The following LRRC45 variants were observed in gnomAD, a reference collection of about 807,000 sequenced individuals.
The protein encoded by LRRC45 is leucine-rich repeat-containing protein 45.
A neutral mutation model predicts 85.4 loss-of-function variants in LRRC45; 73 were observed. The ratio of observed to expected loss-of-function variants is 0.85; its 90% CI spans 0.71 to 1.04. The LOEUF is 1.04. Among genes scored for constraint, LRRC45 ranks in the 50% least tolerant of loss-of-function variants. The pLI, the probability that LRRC45 is intolerant of heterozygous loss-of-function variation, is 0.00. For synonymous variants in LRRC45, 429 were observed against 386.0 expected, an observed-to-expected ratio of 1.11 and a Z score of -1.31; for missense variants, 937 against 883.3, an observed-to-expected ratio of 1.06 and a Z score of -0.77.
At position 82,028,412 on chromosome 17, in the gene LRRC45, C is replaced by A; in HGVS notation, c.1141C>A (p.Arg381=). ...LLQNQVDELE[R]KFRCQQEQLF... ...CGGCTTTCAGGTAGACGAGTTGGAG[C>A]GGAAGTTCAGGTGTCAGCAGGAGCA... The change falls in exon 11 of 17, where the codon CGG becomes AGG. Residue 381 remains arginine (R), a synonymous_variant. Coordinates refer to ENST00000306688, the MANE Select transcript of LRRC45 (RefSeq NM_144999.4). The A allele has an allele frequency of 6.2e-7, 1 of 1,612,670 alleles. No homozygotes were observed. The highest frequency in any genetic ancestry group is 8.5e-7 in the Non-Finnish European group (1 of 1,179,964).
intron 10 of LRRC45, 23 bp from the exon 11 acceptor site, chr17:82,028,374 C>T: frequency 6.2e-7 from 1 of 1,611,048 alleles, no homozygotes; most frequent in Non-Finnish European, 8.5e-7. Context: ...GCTGCAGCTT[C>T]CCTCCCTGGT....
At position 82,024,040 on chromosome 17, in the gene LRRC45, G is replaced by A. The variant is rs185594743; in HGVS notation, c.220+177G>A. On this transcript the variant is annotated intron_variant, in intron 1 of 16. Coordinates refer to ENST00000306688, the MANE Select transcript of LRRC45 (RefSeq NM_144999.4). ...GGCAGTTCCTCTGTATGACGGGGGA[G>A]AGGCCTTAACATTCGCGGTCTTACC... The A allele has an allele frequency of 4.6e-4, 328 of 714,646 alleles. No homozygotes were observed. The African/African-American group carries it at 5.0e-3, about 11-fold the overall frequency. 44.3% of individuals were successfully genotyped at this position (714,646 alleles called of 1,614,324 possible). A position where few individuals can be genotyped will look rare whatever the true frequency, so the allele number is the denominator to read the frequency against.
At chr17:82,030,581 T>C (rs1279050146) in intron 16 of LRRC45, 28 bp from the exon 17 acceptor site, 21 of 1,461,738 alleles carry the variant, frequency 1.4e-5, no homozygotes, top group Non-Finnish European at 1.8e-5. Flanking sequence ...TGGGGCTGCG[T>C]CCGCTCACTG....
In LRRC45 at chr17:82,030,457, C is replaced by G; in HGVS notation, c.1807C>G (p.Gln603Glu). 6.5e-7 allele frequency: 1 copy of G among 1,545,020 alleles called. No individual in the cohort carries two copies. The highest frequency in any genetic ancestry group is 8.7e-7 in the Non-Finnish European group (1 of 1,147,038). Residue 603 changes from glutamine (Q) to glutamate (E), a missense_variant, in exon 16 of 17, where the codon CAG becomes GAG. Coordinates refer to ENST00000306688, the MANE Select transcript of LRRC45 (RefSeq NM_144999.4). ...GGAGAAGGCGGCGGCCCTGGAGCGC[C>G]AGCTGAAAGGTGAGCCAGACCCTTG... ...LREKAAALER[Q>E]LKVMASDHRE...
At chr17:82,024,929 C>G in intron 3 of LRRC45, 71 bp from the exon 4 acceptor site, 1 of 1,459,330 alleles carries the variant, frequency 6.9e-7, no homozygotes, top group Admixed American at 2.6e-5. Flanking sequence ...AGCCCACACC[C>G]GTCCCCAAGC....
intron 14 of LRRC45, among the ~76,000 whole-genome samples, chr17:82,029,852 G>A (rs372084127): frequency 6.6e-6 from 1 of 152,224 alleles, no homozygotes; most frequent in Non-Finnish European, 1.5e-5. Flanking sequence ...GTGACTACAC[G>A]CATGGATGGA....
chr17:82,030,267 G>T (rs1033025332), intron 15 of LRRC45, 29 bp downstream of exon 15: 2 of 1,536,130 alleles, frequency 1.3e-6, no homozygotes, highest in African/African-American at 2.8e-5. Flanking sequence ...GGGGGCCCCG[G>T]GCGTGCTAGC....
At chr17:82,024,143 C>T (rs1438925329) in intron 1 of LRRC45, 135 bp from the exon 2 acceptor site, 1 of 1,061,614 alleles carries the variant, frequency 9.4e-7, no homozygotes, top group East Asian at 2.5e-5. Context: ...CAGCGAGACT[C>T]TTGGCCAGCG....
chr17:82,031,091 A>C lies in LRRC45; in HGVS notation c.*286A>C, dbSNP rs1435903969. The C allele has an allele frequency of 1.1e-5, 4 of 366,484 alleles. No homozygotes were observed. Among genetic ancestry groups the C allele is most frequent in the Non-Finnish European group, 1.5e-5 (3 of 205,446 alleles). 22.7% of individuals were successfully genotyped at this position (366,484 alleles called of 1,614,324 possible). On this transcript the variant is annotated 3_prime_UTR_variant, in exon 17 of 17. Coordinates refer to ENST00000306688, the MANE Select transcript of LRRC45 (RefSeq NM_144999.4). ...CTCGCCTTTTGCGATGTCACCGTGA[A>C]CGCTGCGGCCGCCTGCGCGCGGCGG...
intron 8 of LRRC45, 23 bp downstream of exon 8, chr17:82,027,774 A>G (rs780101822): frequency 1.9e-6 from 3 of 1,606,884 alleles, no homozygotes; most frequent in Non-Finnish European, 2.5e-6. Flanking sequence ...TGGCCTCAGG[A>G]TACTTCAGAG....
Position 82,027,020 on chromosome 17 carries a change from GGCGCCTT to G in LRRC45, c.774+10_774+16del. 6.3e-7 allele frequency: 1 copy of G among 1,582,554 alleles called. No individual in the cohort carries two copies. Among genetic ancestry groups the G allele is most frequent in the Non-Finnish European group, 8.6e-7 (1 of 1,167,714 alleles). On this transcript the variant is annotated intron_variant, in intron 6 of 16. Transcript: ENST00000306688. ...AGGAGAAGTCCAAGCAGGTGAGGAT[GGCGCCTT>G]CACTGACCTTGGAGCTGCTTATGGC...
In LRRC45 at chr17:82,030,409, C is replaced by G; in HGVS notation, c.1759C>G (p.Leu587Val). The change falls in exon 16 of 17, where the codon CTG becomes GTG. Residue 587 changes from leucine (L) to valine (V), a missense_variant. Physicochemically the swap from Leu to Val is conservative, Grantham distance 32. Coordinates refer to ENST00000306688, the MANE Select transcript of LRRC45 (RefSeq NM_144999.4). ...QEQNGRLQAE[L>V]AAQEALREKA... ...GCAGAACGGCCGGCTGCAGGCGGAG[C>G]TGGCGGCTCAGGAGGCGCTGAGGGA... 2 of 1,549,584 alleles carry G rather than the reference C, an allele frequency of 1.3e-6. No homozygotes were observed. The highest frequency in any genetic ancestry group is 1.2e-5 in the South Asian group (1 of 84,044).
Position 82,030,714 on chromosome 17 carries a change from A to T in LRRC45, c.1922A>T (p.Asp641Val). 1 of 1,499,084 alleles carries T rather than the reference A, an allele frequency of 6.7e-7. No individual in the cohort carries two copies. The highest frequency in any genetic ancestry group is 1.3e-5 in the South Asian group (1 of 76,938). 92.9% of individuals were successfully genotyped at this position (1,499,084 alleles called of 1,614,324 possible). ...LREAEIARIR[D>V]EEAQRASFLQ... ...GAGGCGGAGATCGCCCGCATCCGGGACGAGGAGGCCCAGAGGGCGAGCTTC... is the reference window on the plus strand; with the variant it reads ...GAGGCGGAGATCGCCCGCATCCGGGTCGAGGAGGCCCAGAGGGCGAGCTTC... Residue 641 changes from aspartate (D) to valine (V), a missense_variant, in exon 17 of 17, where the codon GAC becomes GTC. Coordinates refer to ENST00000306688, the MANE Select transcript of LRRC45 (RefSeq NM_144999.4).
In LRRC45 at chr17:82,023,770, A is replaced by C; in HGVS notation, c.127A>C (p.Thr43Pro). The change falls in exon 1 of 17, where the codon ACG (threonine) becomes CCG (proline). Residue 43 changes from threonine to proline, a missense_variant. By Grantham distance (38) the Thr-to-Pro change is conservative (BLOSUM62 -1). Transcript: ENST00000306688. ...GRLDLATQSLTVETCRALGKL... is the reference protein window; with the variant it reads ...GRLDLATQSLPVETCRALGKL... Reference sequence around the variant, plus strand: ...GCTGGACCTGGCCACGCAAAGCCTGACGGTGGAGACCTGCAGGGCCCTGGG... The same window carrying C: ...GCTGGACCTGGCCACGCAAAGCCTGCCGGTGGAGACCTGCAGGGCCCTGGG... 6.4e-7 allele frequency: 1 copy of C among 1,561,934 alleles called. No individual in the cohort carries two copies. The highest frequency in any genetic ancestry group is 8.6e-7 in the Non-Finnish European group (1 of 1,156,220).
In LRRC45 at chr17:82,030,475, G is replaced by A; in HGVS notation, c.1816+9G>A. 1 of 1,540,520 alleles carries A rather than the reference G, an allele frequency of 6.5e-7. No homozygotes were observed. Among genetic ancestry groups the A allele is most frequent in the Non-Finnish European group, 8.7e-7 (1 of 1,146,264 alleles). On this transcript the variant is annotated intron_variant, in intron 16 of 16. Transcript: ENST00000306688. The stretch of plus-strand genomic sequence containing the variant: ...GGAGCGCCAGCTGAAAGGTGAGCCA[G>A]ACCCTTGTCCTCCCGCCGCCCACTG...
In LRRC45 at chr17:82,029,102, A is replaced by G; in HGVS notation, c.1318A>G (p.Met440Val). 1 of 1,612,542 alleles carries G rather than the reference A, an allele frequency of 6.2e-7. No homozygotes were observed. The highest frequency in any genetic ancestry group is 8.5e-7 in the Non-Finnish European group (1 of 1,179,900). Residue 440 changes from methionine (M) to valine (V), a missense_variant, in exon 13 of 17, where the codon ATG becomes GTG. Transcript: ENST00000306688. ...CCCTGCCCCTGAGCAGGTGGAGCATATGACCCGTCACCTGGAGGAGAGTGA... is the reference window on the plus strand; with the variant it reads ...CCCTGCCCCTGAGCAGGTGGAGCATGTGACCCGTCACCTGGAGGAGAGTGA... Reference protein sequence around the residue: ...ESLRIKEVEHMTRHLEESEKA... With the variant: ...ESLRIKEVEHVTRHLEESEKA...
Position 82,030,227 on chromosome 17 carries a change from G to T in LRRC45, c.1657G>T (p.Glu553Ter). The T allele has an allele frequency of 6.5e-7, 1 of 1,535,338 alleles. No individual in the cohort carries two copies. The highest frequency in any genetic ancestry group is 8.8e-7 in the Non-Finnish European group (1 of 1,137,260). ...TGAGGGCCTGCGGCGGCGCCTGGAA[G>T]AGCTGCAGCAGGTAGGCGGGGCTCC... ...QVEGLRRRLEELQQELSLKDQ... is the reference protein window; with the variant it reads ...QVEGLRRRLE The change falls in exon 15 of 17, where the codon GAG becomes TAG. Residue 553 changes from glutamate (E) to a stop codon, truncating the protein, a stop_gained. Coordinates refer to ENST00000306688, the MANE Select transcript of LRRC45 (RefSeq NM_144999.4). LOFTEE classifies it high-confidence loss of function.
chr17:82,028,780 A>G, intron 12 of LRRC45, 97 bp downstream of exon 12: 1 of 1,355,150 alleles, frequency 7.4e-7, no homozygotes, highest in Non-Finnish European at 1.0e-6. Context: ...TTCCCTTGCC[A>G]ACCTTGGGTC....
Position 82,025,445 on chromosome 17 carries a change from G to T in LRRC45, c.599G>T (p.Arg200Ile). ...CTCATGAACTGTCTCCCCAGCAACAGAACCCTGTGGAGACTGGACCTGGCT... is the reference window on the plus strand; with the variant it reads ...CTCATGAACTGTCTCCCCAGCAACATAACCCTGTGGAGACTGGACCTGGCT... ...RALMNCLPSN[R>I]TLWRLDLAGN... Residue 200 changes from arginine (R) to isoleucine (I), a missense_variant, in exon 5 of 17, where the codon AGA (arginine) becomes ATA (isoleucine). Arg to Ile is a moderately conservative substitution (Grantham distance 97). Coordinates refer to ENST00000306688, the MANE Select transcript of LRRC45 (RefSeq NM_144999.4). The T allele has an allele frequency of 6.2e-7, 1 of 1,609,488 alleles. No individual in the cohort carries two copies. The highest frequency in any genetic ancestry group is 2.2e-5 in the East Asian group (1 of 44,820).
Sources: gnomAD v4.1 joint callset for allele counts (sites outside exome capture counted in the v4.1 genomes callset) on GRCh38, gnomAD v4.1.1 for gene constraint, MANE v1.5 for transcripts, NCBI Gene and HGNC (gene_info 2026-07-23, HGNC 2026-07-21) for gene names.